TBC1D22A: variants seen among roughly 807,000 people sequenced by gnomAD.
TBC1D22A encodes the protein TBC1 domain family member 22A.
In TBC1D22A, 38 loss-of-function variants were observed where a neutral mutation model predicts 60.2. The ratio of observed to expected loss-of-function variants is 0.63; its 90% CI spans 0.49 to 0.83. TBC1D22A has a LOEUF of 0.83. TBC1D22A is among the 40% of genes least tolerant of loss of function. The probability of loss-of-function intolerance (pLI) is 0.00; values close to 1 mark genes in which losing one functional copy is unlikely to be tolerated. For missense variants in TBC1D22A, 628 were observed against 701.0 expected (o/e 0.90, Z 1.18); for synonymous variants, 302 against 281.7 (o/e 1.07, Z -0.72).
At chr22:47,019,143 G>A (rs1162126320) in intron 10 of TBC1D22A, among the ~76,000 whole-genome samples, 2 of 152,238 alleles carry the variant, frequency 1.3e-5, no homozygotes, top group Admixed American at 6.5e-5. Flanking sequence ...GAGGGAGCAC[G>A]GAGCCTGCGT....
chr22:47,081,252 T>C (rs1466274800), intron 11 of TBC1D22A, among the ~76,000 whole-genome samples: 1 of 152,006 alleles, frequency 6.6e-6, no homozygotes, highest in African/African-American at 2.4e-5. Flanking sequence ...GAAAACCATA[T>C]GACCATGTCA....
chr22:46,963,222 CAA>C (rs136098), intron 8 of TBC1D22A, among the ~76,000 whole-genome samples: 11,075 of 104,728 alleles, frequency 0.11, 555 homozygotes, highest in Middle Eastern at 0.14. Context: ...GACTCCGTCT[CAA>C]AAAAAAAAAA....
At chr22:46,918,584 A>T (rs907599043) in intron 8 of TBC1D22A, among the ~76,000 whole-genome samples, 3 of 152,320 alleles carry the variant, frequency 2.0e-5, no homozygotes, top group Admixed American at 1.3e-4. Context: ...AAATCAAGGG[A>T]GGGGACAACT....
intron 8 of TBC1D22A, among the ~76,000 whole-genome samples, chr22:46,955,325 T>G (rs970308861): frequency 6.6e-6 from 1 of 152,202 alleles, no homozygotes; most frequent in Non-Finnish European, 1.5e-5. Flanking sequence ...CCAAACAAAA[T>G]AAATTATTTT....
intron 1 of TBC1D22A, among the ~76,000 whole-genome samples, chr22:46,783,077 G>T (rs2084009543): frequency 6.6e-6 from 1 of 152,210 alleles, no homozygotes; most frequent in African/African-American, 2.4e-5. Flanking sequence ...CTAGCAGTGT[G>T]TGAGGTCCCG....
chr22:46,811,355 T>C (rs1189216962), intron 4 of TBC1D22A, among the ~76,000 whole-genome samples: 1 of 152,230 alleles, frequency 6.6e-6, no homozygotes, highest in East Asian at 1.9e-4. Context: ...AGTAGGTGCC[T>C]GCTGTGCCAG....
At chr22:47,030,312 A>C (rs555359702) in intron 10 of TBC1D22A, among the ~76,000 whole-genome samples, 34 of 152,246 alleles carry the variant, frequency 2.2e-4, no homozygotes, top group Admixed American at 2.0e-3. Context: ...GATAAATCTG[A>C]GTGTCTGGTC....
intron 9 of TBC1D22A, among the ~76,000 whole-genome samples, chr22:46,988,072 A>G (rs2148194200): frequency 7.2e-6 from 1 of 138,314 alleles, no homozygotes; most frequent in East Asian, 2.2e-4. Flanking sequence ...ATTCTGGGAA[A>G]AGAAAAGAAA....
chr22:47,101,236 T>C (rs146578437), intron 11 of TBC1D22A, among the ~76,000 whole-genome samples: 1,842 of 152,376 alleles, frequency 0.012, 30 homozygotes, highest in African/African-American at 0.04. Flanking sequence ...AAAATATTCC[T>C]GACTCGCTCG....
chr22:46,924,762 C>CA (rs1478395362), intron 8 of TBC1D22A, among the ~76,000 whole-genome samples: 5 of 150,474 alleles, frequency 3.3e-5, no homozygotes, highest in African/African-American at 7.3e-5. Flanking sequence ...AAAACAAAAA[C>CA]AAAAACATTA....
intron 11 of TBC1D22A, among the ~76,000 whole-genome samples, chr22:47,085,920 C>A (rs2064663021): frequency 6.6e-6 from 1 of 152,202 alleles, no homozygotes; most frequent in Non-Finnish European, 1.5e-5. Context: ...TGCTGTCCAC[C>A]CATACGTACA....
intron 4 of TBC1D22A, among the ~76,000 whole-genome samples, chr22:46,816,806 G>A (rs1050674358): frequency 6.6e-6 from 1 of 152,092 alleles, no homozygotes; most frequent in Admixed American, 6.5e-5. Context: ...AACATTTCAC[G>A]GTCGTGGTGG....
chr22:46,819,961 C>T (rs2085758107), intron 4 of TBC1D22A, among the ~76,000 whole-genome samples: 1 of 152,140 alleles, frequency 6.6e-6, no homozygotes, highest in Admixed American at 6.5e-5. Context: ...CTGGTTTAGT[C>T]TAGTTAGGGT....
chr22:46,974,358 G>A lies in TBC1D22A; in HGVS notation c.1084G>A (p.Asp362Asn), dbSNP rs760693157. The change falls in exon 9 of 13, where the codon GAC becomes AAC. Residue 362 changes from aspartate to asparagine, a missense_variant. Physicochemically the swap from Asp to Asn is conservative, Grantham distance 23. Coordinates refer to ENST00000337137, the MANE Select transcript of TBC1D22A (RefSeq NM_014346.5). ...AGAGGTGCTGTGCAACATCGAGGCC[G>A]ACACCTACTGGTGCATGAGCAAGCT... Reference protein sequence around the residue: ...PAEVLCNIEADTYWCMSKLLD... With the variant: ...PAEVLCNIEANTYWCMSKLLD... The A allele has an allele frequency of 8.1e-6, 13 of 1,611,322 alleles. No individual in the cohort carries two copies. The highest frequency in any genetic ancestry group is 1.1e-5 in the South Asian group (1 of 90,314).
At chr22:47,111,679 A>G in intron 12 of TBC1D22A, 76 bp downstream of exon 12, 1 of 1,375,652 alleles carries the variant, frequency 7.3e-7, no homozygotes, top group Non-Finnish European at 1.0e-6. Context: ...TTTAGTTCAC[A>G]GGGTTATTTG....
intron 9 of TBC1D22A, among the ~76,000 whole-genome samples, chr22:46,978,916 G>GT (rs1326879162): frequency 6.6e-6 from 1 of 152,148 alleles, no homozygotes; most frequent in African/African-American, 2.4e-5. Context: ...GCCAGGAAGT[G>GT]TTTTAATAGC....
chr22:47,018,247 C>T (rs957181206), intron 10 of TBC1D22A, among the ~76,000 whole-genome samples: 2 of 152,242 alleles, frequency 1.3e-5, no homozygotes, highest in Non-Finnish European at 2.9e-5. Flanking sequence ...CCCTGTGTTT[C>T]GTCTGCAGCG....
intron 11 of TBC1D22A, among the ~76,000 whole-genome samples, chr22:47,084,906 A>T (rs905238456): frequency 2.6e-5 from 4 of 152,234 alleles, no homozygotes; most frequent in African/African-American, 9.6e-5. Flanking sequence ...ACCAATCCAG[A>T]GGTTCATTTT....
chr22:46,970,870 C>T (rs746671424), intron 8 of TBC1D22A, among the ~76,000 whole-genome samples: 2 of 152,140 alleles, frequency 1.3e-5, no homozygotes, highest in Non-Finnish European at 2.9e-5. Flanking sequence ...CTCTGGGTGG[C>T]CTTGGACCTT....
Sources: gnomAD v4.1 joint callset for allele counts (sites outside exome capture counted in the v4.1 genomes callset) on GRCh38, gnomAD v4.1.1 for gene constraint, MANE v1.5 for transcripts, NCBI Gene and HGNC (gene_info 2026-07-23, HGNC 2026-07-21) for gene names.